The following CHD9 variants were observed in gnomAD, a reference collection of about 807,000 sequenced individuals.
CHD9 encodes the protein ATP-dependent chromatin remodeler CHD9.
Under a neutral mutation model 316.1 loss-of-function variants are expected in CHD9, and 77 were observed. The observed-to-expected ratio is 0.24, with a 90% CI of 0.20 to 0.29. The LOEUF is 0.29. Among genes scored for constraint, CHD9 ranks in the 10% least tolerant of loss-of-function variants. The pLI is 1.00. For missense variants in CHD9, 2,763 were observed against 3,438.1 expected, an observed-to-expected ratio of 0.80 and a Z score of 4.91; for synonymous variants, 1,129 against 1,158.3, an observed-to-expected ratio of 0.97 and a Z score of 0.51.
intron 3 of CHD9, among the ~76,000 whole-genome samples, chr16:53,216,365 A>T (rs1852479475): frequency 6.6e-6 from 1 of 152,142 alleles, no homozygotes; most frequent in Non-Finnish European, 1.5e-5. Context: ...TGATTTTATG[A>T]AAGTCAGGTA....
chr16:53,131,044 C>G (rs1331646755), intron 1 of CHD9: 2 of 119,914 alleles, frequency 1.7e-5, no homozygotes, highest in Non-Finnish European at 3.6e-5. Flanking sequence ...ACAGGGGGGC[C>G]TGGCCGCGCA....
intron 1 of CHD9, among the ~76,000 whole-genome samples, chr16:53,126,971 A>C (rs1261056736): frequency 6.6e-6 from 1 of 150,612 alleles, no homozygotes; most frequent in Non-Finnish European, 1.5e-5. Flanking sequence ...GAGCCACCGC[A>C]CCCAGCCAGG....
intron 10 of CHD9, among the ~76,000 whole-genome samples, chr16:53,232,676 T>C (rs902458270): frequency 1.3e-5 from 2 of 152,198 alleles, no homozygotes; most frequent in Admixed American, 1.3e-4. Flanking sequence ...TTAATAGTGA[T>C]TGGATTGCTG....
Position 53,314,911 on chromosome 16 carries a change from A to C in CHD9, c.7451A>C (p.Glu2484Ala). 1.2e-6 allele frequency: 2 copies of C among 1,613,588 alleles called. No homozygotes were observed. The highest frequency in any genetic ancestry group is 1.7e-6 in the Non-Finnish European group (2 of 1,179,548). ...YTQPQGIPDTESPVPVINLKD... is the reference protein window; with the variant it reads ...YTQPQGIPDTASPVPVINLKD... ...CAACCTCAAGGAATTCCTGATACAG[A>C]AAGTCCAGTTCCAGTTATTAATCTT... Residue 2484 changes from glutamate to alanine, a missense_variant, in exon 36 of 39, where the codon GAA (glutamate) becomes GCA (alanine). Physicochemically the swap from Glu to Ala is moderately radical, Grantham distance 107 (BLOSUM62 -1). This residue lies in a region of CHD9 where 663 missense variants were observed against 751.2 expected (regional missense o/e 0.88). Coordinates refer to ENST00000447540, the MANE Select transcript of CHD9 (RefSeq NM_001308319.2).
At chr16:53,177,080 C>G (rs779718564) in intron 2 of CHD9, among the ~76,000 whole-genome samples, 5 of 152,160 alleles carry the variant, frequency 3.3e-5, no homozygotes, top group Admixed American at 6.5e-5. Context: ...CTCAGCCTCC[C>G]AGGTAGCTGG....
At chr16:53,248,249 T>C (rs1158538230) in intron 16 of CHD9, 3 of 149,582 alleles carry the variant, frequency 2.0e-5, no homozygotes, top group Non-Finnish European at 4.4e-5. Context: ...GGCGGGAGAA[T>C]GGCGTGAACC....
chr16:53,146,286 G>C (rs6499310), intron 1 of CHD9, among the ~76,000 whole-genome samples: 1 of 145,532 alleles, frequency 6.9e-6, no homozygotes, highest in Non-Finnish European at 1.5e-5. Context: ...CCAGCTACTC[G>C]GGAGGCTGAG....
rs182546073 is a variant in CHD9, at chr16:53,173,576, G to A, written c.1452+16035G>A. 3.2e-4 allele frequency among the ~76,000 whole-genome samples: 48 copies of A among 150,974 alleles called. 2 individuals are homozygous for A. Among genetic ancestry groups the A allele is most frequent in the African/African-American group, 1.0e-3 (42 of 41,024 alleles). ...TTTTTTTTTTTTAAGACGGAGTCTC[G>A]CTCTGTTGCTCAGGCTGGAGTGCAG... is the stretch of plus-strand genomic sequence containing the variant. On this transcript the variant is annotated intron_variant, in intron 2 of 38. Coordinates refer to ENST00000447540, the MANE Select transcript of CHD9 (RefSeq NM_001308319.2).
rs772020962 is a variant in CHD9 at position 53,157,417 on chromosome 16, A to C, written c.1328A>C (p.His443Pro). The change falls in exon 2 of 39, where the codon CAT (histidine) becomes CCT (proline). Residue 443 changes from histidine (H) to proline (P), a missense_variant. His to Pro is a moderately conservative substitution (Grantham distance 77, BLOSUM62 -2). Coordinates refer to ENST00000447540, the MANE Select transcript of CHD9 (RefSeq NM_001308319.2). ...GACCTTGATCGGCAGTTTACTTCGCATCTGGTAACACGGCCTTCTGATATG... is the reference window on the plus strand; with the variant it reads ...GACCTTGATCGGCAGTTTACTTCGCCTCTGGTAACACGGCCTTCTGATATG... ...DHDLDRQFTS[H>P]LVTRPSDMAQ... The C allele has an allele frequency of 2.5e-6, 4 of 1,614,022 alleles. No homozygotes were observed. Among genetic ancestry groups the C allele is most frequent in the Non-Finnish European group, 3.4e-6 (4 of 1,179,884 alleles).
intron 19 of CHD9, among the ~76,000 whole-genome samples, chr16:53,256,583 A>G (rs781280353): frequency 6.7e-6 from 1 of 150,014 alleles, no homozygotes; most frequent in Non-Finnish European, 1.5e-5. Flanking sequence ...TCGGCCTCCC[A>G]AAGTGCTGAG....
At chr16:53,278,822 C>A (rs1355681101) in intron 24 of CHD9, among the ~76,000 whole-genome samples, 1 of 152,106 alleles carries the variant, frequency 6.6e-6, no homozygotes, top group African/African-American at 2.4e-5. Flanking sequence ...CCATCTCACA[C>A]CAGTTAGAAT....
intron 22 of CHD9, among the ~76,000 whole-genome samples, chr16:53,269,979 T>C (rs2052079290): frequency 6.6e-6 from 1 of 151,998 alleles, no homozygotes; most frequent in Admixed American, 6.6e-5. Context: ...TATCAGCCAG[T>C]TGCAGTGTGG....
chr16:53,307,415 C>G (rs976310704), intron 32 of CHD9, among the ~76,000 whole-genome samples: 2 of 152,062 alleles, frequency 1.3e-5, no homozygotes, highest in African/African-American at 4.8e-5. Context: ...ACTCCTACCA[C>G]CTTGGCCTCC....
At chr16:53,070,526 TTCCTTC>T (rs1384673368) in intron 1 of CHD9, among the ~76,000 whole-genome samples, 1 of 21,194 alleles carries the variant, frequency 4.7e-5, no homozygotes, top group South Asian at 1.4e-3. Context: ...CCTTCCTTCC[TTCCTTC>T]CTCTCTCTCT....
chr16:53,211,455 A>C (rs985641030), intron 3 of CHD9, among the ~76,000 whole-genome samples: 1 of 152,148 alleles, frequency 6.6e-6, no homozygotes, highest in Non-Finnish European at 1.5e-5. Context: ...TTAATATTGC[A>C]CAACATTGAC....
At position 53,314,904 on chromosome 16, in the gene CHD9, G is replaced by T. The variant is rs1433226579; in HGVS notation, c.7444G>T (p.Asp2482Tyr). 1 of 1,613,736 alleles carries T rather than the reference G, an allele frequency of 6.2e-7. No homozygotes were observed. The highest frequency in any genetic ancestry group is 2.2e-5 in the East Asian group (1 of 44,842). Residue 2482 changes from aspartate to tyrosine, a missense_variant, in exon 36 of 39, where the codon GAT (aspartate) becomes TAT (tyrosine). Asp to Tyr is a radical substitution (Grantham distance 160, BLOSUM62 -3). Coordinates refer to ENST00000447540, the MANE Select transcript of CHD9 (RefSeq NM_001308319.2). ...LSYTQPQGIP[D>Y]TESPVPVINL... is the part of the protein sequence containing the mutation. ...CTATACTCAACCTCAAGGAATTCCT[G>T]ATACAGAAAGTCCAGTTCCAGTTAT...
At chr16:53,295,289 G>A (rs1035079271) in intron 29 of CHD9, among the ~76,000 whole-genome samples, 3 of 152,168 alleles carry the variant, frequency 2.0e-5, no homozygotes, top group South Asian at 2.1e-4. Context: ...ACCATGCCTC[G>A]CTAATTTTTG....
intron 4 of CHD9, among the ~76,000 whole-genome samples, chr16:53,225,254 T>C (rs1291831681): frequency 6.6e-6 from 1 of 152,106 alleles, no homozygotes; most frequent in African/African-American, 2.4e-5. Context: ...GGTTCCATTT[T>C]TTGGAAGTGT....
At chr16:53,102,535 A>G (rs770212079) in intron 1 of CHD9, among the ~76,000 whole-genome samples, 4 of 152,058 alleles carry the variant, frequency 2.6e-5, no homozygotes, top group Non-Finnish European at 5.9e-5. Flanking sequence ...GTGACACTCT[A>G]TACCCACAAT....
Sources: gnomAD v4.1 joint callset for allele counts (sites outside exome capture counted in the v4.1 genomes callset) on GRCh38, gnomAD v4.1.1 for gene constraint, gnomAD v4.1.1 regional missense constraint, MANE v1.5 for transcripts, NCBI Gene and HGNC (gene_info 2026-07-23, HGNC 2026-07-21) for gene names.